The following EYS variants were observed in gnomAD, a reference collection of about 807,000 sequenced individuals.
EYS encodes the protein protein eyes shut homolog.
A neutral mutation model predicts 282.1 loss-of-function variants in EYS; 250 were observed. The observed-to-expected ratio is 0.89, with a 90% confidence interval of 0.80 to 0.98. The LOEUF (loss-of-function observed/expected upper bound fraction) is 0.98. Ranked by LOEUF, EYS falls within the 50% of genes least tolerant of loss-of-function variation. The pLI, the probability that EYS is intolerant of heterozygous loss-of-function variation, is 0.00. For synonymous variants in EYS, 1,355 were observed against 1,282.9 expected (o/e 1.06, Z -1.20); for missense variants, 4,016 against 3,709.0 (o/e 1.08, Z -2.15).
At chr6:64,238,999 G>A (rs979019449) in intron 30 of EYS, among the ~76,000 whole-genome samples, 12 of 152,168 alleles carry the variant, frequency 7.9e-5, no homozygotes, top group Admixed American at 5.9e-4. Flanking sequence ...GAGAATATGT[G>A]GTGTTTGGTT....
At chr6:65,638,365 G>T (rs1767162191) in intron 2 of EYS, among the ~76,000 whole-genome samples, 1 of 152,170 alleles carries the variant, frequency 6.6e-6, no homozygotes, top group South Asian at 2.1e-4. Flanking sequence ...ACTGAATGGT[G>T]GGAATGAAAG....
intron 41 of EYS, among the ~76,000 whole-genome samples, chr6:63,757,485 G>A (rs1769519497): frequency 6.6e-6 from 1 of 151,924 alleles, no homozygotes; most frequent in South Asian, 2.1e-4. Flanking sequence ...TTGTGATCTT[G>A]CTTTGCCCTT....
At chr6:64,548,001 C>T (rs971693152) in intron 26 of EYS, among the ~76,000 whole-genome samples, 3 of 152,232 alleles carry the variant, frequency 2.0e-5, no homozygotes, top group African/African-American at 4.8e-5. Context: ...CCCATGCCCA[C>T]CCAGAACTCG....
intron 29 of EYS, among the ~76,000 whole-genome samples, chr6:64,356,226 T>A (rs2150406160): frequency 6.6e-6 from 1 of 151,620 alleles, no homozygotes; most frequent in East Asian, 2.0e-4. Context: ...TGTATGTGGG[T>A]TCATAGTAGG....
intron 12 of EYS, among the ~76,000 whole-genome samples, chr6:65,123,579 A>G (rs909825407): frequency 6.6e-6 from 1 of 152,172 alleles, no homozygotes; most frequent in Non-Finnish European, 1.5e-5. Flanking sequence ...AATAATTGCA[A>G]TTGAGGAAGG....
intron 14 of EYS, among the ~76,000 whole-genome samples, chr6:64,989,384 G>A: frequency 1.9e-5 from 1 of 52,420 alleles, no homozygotes; most frequent in African/African-American, 1.4e-4. Context: ...GCTATTTACT[G>A]GCTAGCTGTA....
intron 22 of EYS, among the ~76,000 whole-genome samples, chr6:64,805,964 T>TA (rs1015381404): frequency 2.6e-5 from 4 of 151,398 alleles, no homozygotes; most frequent in Non-Finnish European, 4.4e-5. Flanking sequence ...GATGAAATTG[T>TA]AAAAAAAATC....
chr6:65,623,234 T>C (rs1343164586), intron 2 of EYS, among the ~76,000 whole-genome samples: 1 of 152,126 alleles, frequency 6.6e-6, no homozygotes, highest in Non-Finnish European at 1.5e-5. Flanking sequence ...TTTCTCAATC[T>C]CCATTTTTCA....
intron 13 of EYS, among the ~76,000 whole-genome samples, chr6:65,011,966 CA>C (rs200862586): frequency 4.0e-5 from 6 of 151,418 alleles, no homozygotes; most frequent in Non-Finnish European, 7.4e-5. Flanking sequence ...CTTGCAACAG[CA>C]AAAAAAAGAA....
At chr6:63,738,052 A>G (rs1377962874) in intron 41 of EYS, among the ~76,000 whole-genome samples, 2 of 152,208 alleles carry the variant, frequency 1.3e-5, no homozygotes, top group Non-Finnish European at 2.9e-5. Context: ...ATCTCACACC[A>G]GTTAGAATGG....
chr6:63,829,530 T>A (rs1177413465), intron 36 of EYS, among the ~76,000 whole-genome samples: 1 of 152,150 alleles, frequency 6.6e-6, no homozygotes, highest in African/African-American at 2.4e-5. Flanking sequence ...CGTCCACCAT[T>A]GCTGAGGCTT....
chr6:64,611,559 G>C (rs1767116774), intron 24 of EYS, among the ~76,000 whole-genome samples: 1 of 151,904 alleles, frequency 6.6e-6, no homozygotes, highest in Admixed American at 6.6e-5. Flanking sequence ...TGTTCTCTTT[G>C]GATAACAAAC....
intron 12 of EYS, among the ~76,000 whole-genome samples, chr6:65,273,140 CT>C (rs1442073694): frequency 6.6e-6 from 1 of 152,168 alleles, no homozygotes; most frequent in Non-Finnish European, 1.5e-5. Flanking sequence ...CATGCTACTC[CT>C]AATGGCACAT....
chr6:63,837,702 A>T (rs1205877934), intron 36 of EYS, among the ~76,000 whole-genome samples: 2 of 152,154 alleles, frequency 1.3e-5, no homozygotes, highest in Non-Finnish European at 2.9e-5. Context: ...CTATCGTCCA[A>T]ATTAAGAACT....
intron 35 of EYS, among the ~76,000 whole-genome samples, chr6:63,895,799 G>A (rs546101223): frequency 2.0e-5 from 3 of 151,732 alleles, no homozygotes; most frequent in East Asian, 1.9e-4. Flanking sequence ...CCACCCACAC[G>A]TCTGTCCTTA....
intron 26 of EYS, among the ~76,000 whole-genome samples, chr6:64,579,753 T>G (rs1766000956): frequency 6.6e-6 from 1 of 152,132 alleles, no homozygotes; most frequent in Non-Finnish European, 1.5e-5. Flanking sequence ...TCTGCTGTAC[T>G]GAATCTTTGC....
chr6:65,299,523 C>G (rs1768757734), intron 11 of EYS, among the ~76,000 whole-genome samples: 1 of 152,016 alleles, frequency 6.6e-6, no homozygotes, highest in African/African-American at 2.4e-5. Flanking sequence ...TCCAAAATTT[C>G]TGAAATGCCA....
At chr6:64,268,381 G>C (rs1767829512) in intron 30 of EYS, among the ~76,000 whole-genome samples, 1 of 152,116 alleles carries the variant, frequency 6.6e-6, no homozygotes, top group South Asian at 2.1e-4. Context: ...AATAGAGATA[G>C]AGTTCTGAGG....
At chr6:65,387,186 G>A (rs1226735409) in intron 7 of EYS, among the ~76,000 whole-genome samples, 1 of 151,760 alleles carries the variant, frequency 6.6e-6, no homozygotes, top group Non-Finnish European at 1.5e-5. Context: ...CTTGGACATA[G>A]CATTCCAAAC....
Sources: allele counts gnomAD v4.1 joint callset (sites outside exome capture counted in the v4.1 genomes callset), GRCh38; gene constraint gnomAD v4.1.1; transcripts MANE v1.5; gene names NCBI Gene and HGNC (gene_info 2026-07-23, HGNC 2026-07-21).